Variants in CAMTA1 observed in about 807,000 individuals in gnomAD.
CAMTA1 encodes the protein calmodulin-binding transcription activator 1.
CAMTA1 carries 27 observed loss-of-function variants against 170.9 expected under a neutral mutation model. The ratio of observed to expected loss-of-function variants is 0.16; its 90% confidence interval spans 0.12 to 0.22. The LOEUF (loss-of-function observed/expected upper bound fraction) is 0.22, where lower values mean the gene tolerates loss of function less well. CAMTA1 is among the 10% of genes least tolerant of loss of function. The pLI, the probability that CAMTA1 is intolerant of heterozygous loss-of-function variation, is 1.00. For missense variants in CAMTA1, 1,619 were observed against 2,217.2 expected (o/e 0.73, Z 5.42); for synonymous variants, 833 against 891.5 (o/e 0.93, Z 1.17).
intron 6 of CAMTA1, among the ~76,000 whole-genome samples, chr1:7,526,909 A>G (rs1287941155): frequency 6.6e-6 from 1 of 152,208 alleles, no homozygotes; most frequent in Admixed American, 6.5e-5. Context: ...GTCTCTGGGC[A>G]TTAAGCTACG....
rs540165276 is a variant in CAMTA1, at chr1:7,512,119, ATTCATTCATTCT to A, written c.510+44229_510+44240del. ...GCTGTCAGCTCATGAAAGTGCTTTCATTCATTCATTCTTTCATTCATTTATTCAGAAATGTTT... is the reference window on the plus strand; with the variant it reads ...GCTGTCAGCTCATGAAAGTGCTTTCATTCATTCATTTATTCAGAAATGTTT... On this transcript the variant is annotated intron_variant, in intron 6 of 22. Coordinates refer to ENST00000303635, the MANE Select transcript of CAMTA1 (RefSeq NM_015215.4). Among the ~76,000 whole-genome samples, 667 of 152,320 alleles carry A rather than the reference ATTCATTCATTCT, an allele frequency of 4.4e-3. 3 individuals carry two copies. Among genetic ancestry groups the A allele is most frequent in the African/African-American group, 0.015 (642 of 41,568 alleles).
At position 7,443,663 on chromosome 1, in the gene CAMTA1, G is replaced by A. The variant is rs2092607459; in HGVS notation, c.439-24167G>A. Among the ~76,000 whole-genome samples the A allele has an allele frequency of 6.6e-6, 1 of 152,148 alleles. No homozygotes were observed. The highest frequency in any genetic ancestry group is 2.4e-5 in the African/African-American group (1 of 41,444). On this transcript the variant is annotated intron_variant, in intron 5 of 22. Transcript: ENST00000303635. This position sits in a 1 kb window ranked among gnomAD's most constrained non-coding sequence, Gnocchi z 4.1. ...CCTATAGTGCACCGTTGGGGTAGAG[G>A]GAGGCCCAGAGCCTGGGGCATTCTG...
At chr1:7,098,683 G>A (rs2148215832) in intron 4 of CAMTA1, among the ~76,000 whole-genome samples, 1 of 152,298 alleles carries the variant, frequency 6.6e-6, no homozygotes, top group Admixed American at 6.5e-5. Flanking sequence ...TCAAAGCAGG[G>A]GCAACCCACG....
Position 7,304,726 on chromosome 1 carries a change from GT to G in CAMTA1, c.438+55108del, listed in dbSNP as rs752510025. Among the ~76,000 whole-genome samples the G allele has an allele frequency of 1.9e-4, 29 of 150,422 alleles. No individual in the cohort carries two copies. In the East Asian group the frequency reaches 5.3e-3, roughly 27 times the overall value. ...TGCAAATCTTTGTATTAGATTGTTGGTTTTTTTTCTTATCGGTTAGAAGATG... is the reference window on the plus strand; with the variant it reads ...TGCAAATCTTTGTATTAGATTGTTGGTTTTTTTCTTATCGGTTAGAAGATG... On this transcript the variant is annotated intron_variant, in intron 5 of 22. Transcript: ENST00000303635.
chr1:6,853,189 GGTAAAT>G (rs1661072428), intron 3 of CAMTA1: 1 of 152,116 alleles, frequency 6.6e-6, no homozygotes, highest in Admixed American at 6.6e-5. Context: ...GAAATAAGAT[GGTAAAT>G]GTAAATGAAC....
chr1:7,719,455 G>A lies in CAMTA1; in HGVS notation c.2915-12993G>A, dbSNP rs77298013. On this transcript the variant is annotated intron_variant, in intron 11 of 22. Coordinates refer to ENST00000303635, the MANE Select transcript of CAMTA1 (RefSeq NM_015215.4). ...GTCCAAGACTGAATATGGGGATAGT[G>A]TAAAACAAAGATCAGGAAGAAGAAA... Among the ~76,000 whole-genome samples, 882 of 152,322 alleles carry A rather than the reference G, an allele frequency of 5.8e-3. 12 individuals carry two copies. The highest frequency in any genetic ancestry group is 0.02 in the African/African-American group (846 of 41,570).
At chr1:7,213,002 C>T (rs1026380765) in intron 4 of CAMTA1, among the ~76,000 whole-genome samples, 1 of 152,126 alleles carries the variant, frequency 6.6e-6, no homozygotes, top group Non-Finnish European at 1.5e-5. Flanking sequence ...GTTTGTTTAG[C>T]CCTTTATACA....
intron 6 of CAMTA1, among the ~76,000 whole-genome samples, chr1:7,617,255 T>C (rs377367235): frequency 7.9e-5 from 12 of 152,202 alleles, no homozygotes; most frequent in South Asian, 6.2e-4. Context: ...TGTCTTTAAA[T>C]ATCAGGAGGG....
At chr1:7,721,130 C>T (rs2096647055) in intron 11 of CAMTA1, among the ~76,000 whole-genome samples, 2 of 152,192 alleles carry the variant, frequency 1.3e-5, no homozygotes, top group Non-Finnish European at 2.9e-5. Context: ...TTTCAAAAAG[C>T]TCACATTCTA....
chr1:7,648,498 GGA>G (rs1234081097), intron 7 of CAMTA1, among the ~76,000 whole-genome samples: 1 of 152,186 alleles, frequency 6.6e-6, no homozygotes, highest in African/African-American at 2.4e-5. Context: ...GCCCCGGGTG[GGA>G]GAGAGAGGGG....
At chr1:7,620,825 C>A (rs998376699) in intron 6 of CAMTA1, among the ~76,000 whole-genome samples, 2 of 152,166 alleles carry the variant, frequency 1.3e-5, no homozygotes, top group Non-Finnish European at 2.9e-5. Flanking sequence ...AGCTGGGGAA[C>A]AAAGACCATT....
intron 5 of CAMTA1, among the ~76,000 whole-genome samples, chr1:7,381,636 G>A (rs1229664443): frequency 8.6e-5 from 13 of 151,298 alleles, no homozygotes; most frequent in African/African-American, 3.2e-4. Flanking sequence ...TGTCTTTATA[G>A]CAGCATGATT....
At chr1:7,259,806 C>A (rs528801134) in intron 5 of CAMTA1, among the ~76,000 whole-genome samples, 4 of 152,176 alleles carry the variant, frequency 2.6e-5, no homozygotes, top group Non-Finnish European at 4.4e-5. Context: ...CACTGAGTGG[C>A]GATGACTAAA....
At chr1:6,829,696 T>C (rs1223224913) in intron 3 of CAMTA1, among the ~76,000 whole-genome samples, 1 of 152,214 alleles carries the variant, frequency 6.6e-6, no homozygotes, top group Non-Finnish European at 1.5e-5. Flanking sequence ...TGTTAACTAA[T>C]GTACCCGCAG....
rs149519964 is a variant in CAMTA1 at position 7,051,480 on chromosome 1, T to C, written c.235-39824T>C. Among the ~76,000 whole-genome samples the C allele has an allele frequency of 4.5e-4, 69 of 152,296 alleles. No individual in the cohort carries two copies. In the East Asian group the frequency reaches 0.012, roughly 27 times the overall value. Reference sequence around the variant, plus strand: ...GGGCTGCACGGACGGAGACCTCTGGTTCCTCTTGGCCCTTTGGCCTCCCGC... The same window carrying C: ...GGGCTGCACGGACGGAGACCTCTGGCTCCTCTTGGCCCTTTGGCCTCCCGC... On this transcript the variant is annotated intron_variant, in intron 3 of 22. Coordinates refer to ENST00000303635, the MANE Select transcript of CAMTA1 (RefSeq NM_015215.4).
chr1:7,012,141 A>G (rs1438279180), intron 3 of CAMTA1, among the ~76,000 whole-genome samples: 1 of 152,088 alleles, frequency 6.6e-6, no homozygotes, highest in African/African-American at 2.4e-5. Flanking sequence ...TCACGGTTCA[A>G]GTTTTTAACC....
At chr1:7,480,796 C>T (rs530628626) in intron 6 of CAMTA1, among the ~76,000 whole-genome samples, 28 of 152,290 alleles carry the variant, frequency 1.8e-4, no homozygotes, top group African/African-American at 6.3e-4. Flanking sequence ...CCCCACGGCC[C>T]CAGTGCCAAC....
In CAMTA1 at chr1:7,443,215, G is replaced by A. The variant is rs558296958; in HGVS notation, c.439-24615G>A. Among the ~76,000 whole-genome samples the A allele has an allele frequency of 4.6e-5, 7 of 152,360 alleles. No homozygotes were observed. The highest frequency in any genetic ancestry group is 2.1e-4 in the South Asian group (1 of 4,824). The stretch of plus-strand genomic sequence containing the variant: ...CACACATAAGCTTCATACCCTAGAC[G>A]TGTATGATGATCTGCATGAAGTCCA... On this transcript the variant is annotated intron_variant, in intron 5 of 22. Transcript: ENST00000303635. This position sits in a 1 kb window ranked among gnomAD's most constrained non-coding sequence, Gnocchi z 4.1.
At chr1:6,868,669 A>G (rs1310777577) in intron 3 of CAMTA1, among the ~76,000 whole-genome samples, 2 of 152,192 alleles carry the variant, frequency 1.3e-5, no homozygotes, top group Non-Finnish European at 2.9e-5. Flanking sequence ...GATTTTTAAC[A>G]TAGAATACAA....
Sources: gnomAD v4.1 joint callset for allele counts (sites outside exome capture counted in the v4.1 genomes callset) on GRCh38, gnomAD v4.1.1 for gene constraint, Gnocchi (gnomAD v3.1) non-coding constraint, MANE v1.5 for transcripts, NCBI Gene and HGNC (gene_info 2026-07-23, HGNC 2026-07-21) for gene names.